GCNT1: variants seen among roughly 807,000 people sequenced by gnomAD.
GCNT1 encodes the protein glucosaminyl (N-acetyl) transferase 1.
In GCNT1, 16 loss-of-function variants were observed where a neutral mutation model predicts 26.2. That is an observed-to-expected ratio of 0.61 (90% CI 0.41 to 0.93). The LOEUF (loss-of-function observed/expected upper bound fraction) is 0.93. Among genes scored for constraint, GCNT1 ranks in the 40% least tolerant of loss-of-function variants. The pLI is 0.00. For missense variants in GCNT1, 477 were observed against 526.7 expected (o/e 0.91, Z 0.92); for synonymous variants, 183 against 190.8 (o/e 0.96, Z 0.34).
chr9:76,432,781 A>G (rs539334344), intron 1 of GCNT1, among the ~76,000 whole-genome samples: 2 of 152,356 alleles, frequency 1.3e-5, no homozygotes, highest in South Asian at 4.1e-4. Flanking sequence ...AGTCTTGCAT[A>G]AACATAGGAA....
upstream of GCNT1, among the ~76,000 whole-genome samples, chr9:76,418,458 T>A (rs1410637535): frequency 6.6e-6 from 1 of 152,092 alleles, no homozygotes; most frequent in East Asian, 1.9e-4. Flanking sequence ...GGTTTTCAGG[T>A]TAATGTTGGA....
intron 2 of GCNT1, among the ~76,000 whole-genome samples, chr9:76,497,591 G>A (rs1023369371): frequency 4.6e-5 from 7 of 152,116 alleles, no homozygotes; most frequent in Non-Finnish European, 7.4e-5. Flanking sequence ...CAAAGCATGT[G>A]GGCCATGTAG....
At chr9:76,467,995 C>A (rs1824044007) in intron 2 of GCNT1, among the ~76,000 whole-genome samples, 1 of 149,138 alleles carries the variant, frequency 6.7e-6, no homozygotes, top group East Asian at 2.0e-4. Context: ...TAACCTCCAC[C>A]TCCCAGGTTC....
the GCNT1 span, among the ~76,000 whole-genome samples, chr9:76,407,262 T>C: frequency 2.6e-5 from 4 of 152,158 alleles, no homozygotes; most frequent in Admixed American, 2.6e-4. Flanking sequence ...ATAGAGTTAT[T>C]TTTCTCATTT....
chr9:76,400,480 G>C, the GCNT1 span, among the ~76,000 whole-genome samples: 2 of 152,118 alleles, frequency 1.3e-5, no homozygotes, highest in African/African-American at 4.8e-5. Context: ...CCTTTCAAAT[G>C]CCAATCTGAT....
At chr9:76,408,648 A>G in the GCNT1 span, among the ~76,000 whole-genome samples, 1 of 152,086 alleles carries the variant, frequency 6.6e-6, no homozygotes, top group South Asian at 2.1e-4. Flanking sequence ...GGTCTCATAG[A>G]ATGAGTTAGA....
chr9:76,430,421 G>T (rs1197082132), intron 1 of GCNT1, among the ~76,000 whole-genome samples: 3 of 151,792 alleles, frequency 2.0e-5, no homozygotes, highest in Non-Finnish European at 4.4e-5. Context: ...TCACTCTGTT[G>T]CCCAGGCTGG....
the GCNT1 span, chr9:76,394,272 G>A: frequency 1.1e-5 from 13 of 1,220,128 alleles, no homozygotes; most frequent in South Asian, 1.3e-4. Context: ...GGGGACAGGA[G>A]CGTGAGCTCT....
intron 3 of GCNT1, among the ~76,000 whole-genome samples, chr9:76,501,519 A>G (rs568000294): frequency 6.0e-4 from 91 of 152,288 alleles, no homozygotes; most frequent in African/African-American, 2.2e-3. Context: ...TGGATTATGA[A>G]TACTTTGTTT....
At chr9:76,494,353 C>A (rs544968524) in intron 2 of GCNT1, among the ~76,000 whole-genome samples, 1 of 152,210 alleles carries the variant, frequency 6.6e-6, no homozygotes, top group East Asian at 1.9e-4. Flanking sequence ...AGTATTGGGA[C>A]CTTACCCCTG....
upstream of GCNT1, among the ~76,000 whole-genome samples, chr9:76,438,168 TG>T (rs1348024552): frequency 1.3e-5 from 2 of 152,336 alleles, no homozygotes; most frequent in East Asian, 3.9e-4. Flanking sequence ...CCAAGGTGGT[TG>T]GGGTACATCT....
intron 2 of GCNT1, among the ~76,000 whole-genome samples, chr9:76,476,426 TG>T (rs1365637486): frequency 3.3e-5 from 5 of 150,618 alleles, no homozygotes. Flanking sequence ...CTTTTAGATT[TG>T]AAAAAAAAAA....
At chr9:76,485,921 TG>T (rs371333047) in intron 2 of GCNT1, among the ~76,000 whole-genome samples, 74 of 152,240 alleles carry the variant, frequency 4.9e-4, no homozygotes, top group African/African-American at 1.8e-3. Context: ...TCAGTAGAGA[TG>T]AGGTTTCGCC....
At chr9:76,494,053 G>A (rs1013667682) in intron 2 of GCNT1, among the ~76,000 whole-genome samples, 25 of 151,904 alleles carry the variant, frequency 1.6e-4, no homozygotes, top group African/African-American at 4.8e-4. Context: ...AAAACCACCC[G>A]CGGTTTTGGT....
At chr9:76,464,833 G>A (rs1351730861) in intron 2 of GCNT1, among the ~76,000 whole-genome samples, 1 of 152,196 alleles carries the variant, frequency 6.6e-6, no homozygotes, top group Non-Finnish European at 1.5e-5. Context: ...GGCAGATACT[G>A]GGCCAGATAG....
chr9:76,410,506 C>G, the GCNT1 span, among the ~76,000 whole-genome samples: 3 of 152,084 alleles, frequency 2.0e-5, no homozygotes, highest in Non-Finnish European at 2.9e-5. Flanking sequence ...CATCCCAGCA[C>G]TATGGGAGGC....
At chr9:76,482,216 A>G (rs921147170) in intron 2 of GCNT1, among the ~76,000 whole-genome samples, 1 of 152,108 alleles carries the variant, frequency 6.6e-6, no homozygotes, top group Admixed American at 6.6e-5. Context: ...GTACTTACGA[A>G]AAACAGCATG....
intron 2 of GCNT1, among the ~76,000 whole-genome samples, chr9:76,472,761 T>C (rs1278594528): frequency 4.3e-5 from 6 of 140,258 alleles, no homozygotes; most frequent in Non-Finnish European, 9.1e-5. Flanking sequence ...TTTTTTTTTT[T>C]TTTTTGAGAT....
chr9:76,428,265 C>CA (rs869195487), intron 1 of GCNT1, among the ~76,000 whole-genome samples: 1,117 of 29,102 alleles, frequency 0.038, 57 homozygotes, highest in East Asian at 0.12. Flanking sequence ...GACTCCGTCT[C>CA]AAAAAAAAAA....
Sources: gnomAD v4.1 joint callset for allele counts (sites outside exome capture counted in the v4.1 genomes callset) on GRCh38, gnomAD v4.1.1 for gene constraint, MANE v1.5 for transcripts, NCBI Gene and HGNC (gene_info 2026-07-23, HGNC 2026-07-21) for gene names.